The following EHBP1 variants were observed in gnomAD, a reference collection of about 807,000 sequenced individuals.
The protein encoded by EHBP1 is EH domain-binding protein 1.
In EHBP1, 55 loss-of-function variants were observed where a neutral mutation model predicts 144.0. The ratio of observed to expected loss-of-function variants is 0.38; its 90% confidence interval spans 0.31 to 0.48. The LOEUF (loss-of-function observed/expected upper bound fraction) is 0.48, where lower values mean the gene tolerates loss of function less well. Ranked by LOEUF, EHBP1 falls within the 20% of genes least tolerant of loss-of-function variation. The probability of loss-of-function intolerance (pLI) is 0.98; values close to 1 mark genes in which losing one functional copy is unlikely to be tolerated. For missense variants in EHBP1, 1,200 were observed against 1,364.2 expected (o/e 0.88, Z 1.90); for synonymous variants, 469 against 472.7 (o/e 0.99, Z 0.10).
At chr2:62,893,155 A>G (rs2052597136) in intron 10 of EHBP1, among the ~76,000 whole-genome samples, 1 of 152,226 alleles carries the variant, frequency 6.6e-6, no homozygotes, top group South Asian at 2.1e-4. Context: ...AAGAAGGCAA[A>G]GATAAATGAA....
At chr2:62,763,537 G>A (rs2040931051) in intron 3 of EHBP1, among the ~76,000 whole-genome samples, 3 of 152,168 alleles carry the variant, frequency 2.0e-5, no homozygotes, top group Non-Finnish European at 4.4e-5. Flanking sequence ...TTCATAGCAT[G>A]TCCATGGACA....
rs201879025 is a variant in EHBP1 at position 62,925,089 on chromosome 2, A to G, written c.1186-17629A>G. ...TCAATAAATGTCATACATCACATCCATAGAATAAAGGATGAAAACCATATG... is the reference window on the plus strand; with the variant it reads ...TCAATAAATGTCATACATCACATCCGTAGAATAAAGGATGAAAACCATATG... On this transcript the variant is annotated intron_variant, in intron 10 of 22. Coordinates refer to ENST00000431489, the MANE Select transcript of EHBP1 (RefSeq NM_001142616.3). Among the ~76,000 whole-genome samples the G allele has an allele frequency of 3.3e-5, 5 of 152,384 alleles. No homozygotes were observed. The East Asian group carries it at 7.7e-4, about 23-fold the overall frequency.
chr2:62,755,446 A>G (rs1357931109), intron 3 of EHBP1, among the ~76,000 whole-genome samples: 9 of 152,076 alleles, frequency 5.9e-5, no homozygotes, highest in Admixed American at 5.2e-4. Context: ...TCTTGTGAAT[A>G]AAGCTGCTAT....
At chr2:62,774,042 C>T (rs1335592632) in intron 5 of EHBP1, among the ~76,000 whole-genome samples, 1 of 151,848 alleles carries the variant, frequency 6.6e-6, no homozygotes, top group East Asian at 1.9e-4. Flanking sequence ...ATAAGCCAAT[C>T]TCATGAGATT....
At chr2:63,005,160 C>T (rs532107604) in intron 19 of EHBP1, among the ~76,000 whole-genome samples, 1 of 152,152 alleles carries the variant, frequency 6.6e-6, no homozygotes, top group East Asian at 1.9e-4. Context: ...CCAGAGTCAT[C>T]ATGTATTTTT....
chr2:62,675,652 T>A (rs964510632), intron 1 of EHBP1, among the ~76,000 whole-genome samples: 19 of 151,798 alleles, frequency 1.3e-4, no homozygotes, highest in Non-Finnish European at 2.4e-4. Context: ...AAGAAAAAAA[T>A]TTTCAATGCT....
intron 10 of EHBP1, among the ~76,000 whole-genome samples, chr2:62,929,925 C>T (rs1040228725): frequency 1.3e-5 from 2 of 151,992 alleles, no homozygotes; most frequent in African/African-American, 2.4e-5. Flanking sequence ...GAGCAATCCA[C>T]GAAGGAAATT....
intron 15 of EHBP1, among the ~76,000 whole-genome samples, chr2:62,984,375 T>C (rs908611360): frequency 1.3e-5 from 2 of 152,342 alleles, no homozygotes; most frequent in Admixed American, 6.5e-5. Context: ...TTACATTCAG[T>C]GCATATCTAA....
intron 13 of EHBP1, among the ~76,000 whole-genome samples, chr2:62,954,710 G>A (rs985632783): frequency 2.6e-5 from 4 of 152,178 alleles, no homozygotes; most frequent in East Asian, 1.9e-4. Context: ...TTCCTTGACA[G>A]TGATACTTAT....
At chr2:62,742,263 G>C (rs947766652) in intron 2 of EHBP1, among the ~76,000 whole-genome samples, 2 of 152,066 alleles carry the variant, frequency 1.3e-5, no homozygotes, top group Non-Finnish European at 2.9e-5. Flanking sequence ...AAGAGGATGT[G>C]TATAGGTTAT....
At chr2:63,028,753 C>T (rs1270608914) in intron 19 of EHBP1, among the ~76,000 whole-genome samples, 2 of 152,074 alleles carry the variant, frequency 1.3e-5, no homozygotes, top group African/African-American at 4.8e-5. Flanking sequence ...TCCATACTTT[C>T]AGTAGAATCT....
chr2:62,740,890 T>G (rs1249080921), intron 2 of EHBP1, among the ~76,000 whole-genome samples: 1 of 152,206 alleles, frequency 6.6e-6, no homozygotes, highest in Non-Finnish European at 1.5e-5. Flanking sequence ...CACTTTGAAA[T>G]GTAAGCTTTT....
chr2:62,747,621 T>C (rs368706948), intron 3 of EHBP1, among the ~76,000 whole-genome samples, 169 bp downstream of exon 3: 2 of 152,174 alleles, frequency 1.3e-5, no homozygotes, highest in East Asian at 3.9e-4. Flanking sequence ...CTGCTTGTTC[T>C]CAAAACGGGA....
At chr2:62,776,261 C>G (rs747027630) in intron 5 of EHBP1, among the ~76,000 whole-genome samples, 3 of 152,120 alleles carry the variant, frequency 2.0e-5, no homozygotes, top group Admixed American at 6.6e-5. Flanking sequence ...GGACCAGAAA[C>G]TTTAGAGTTG....
At chr2:62,779,548 A>G (rs569835321) in intron 5 of EHBP1, among the ~76,000 whole-genome samples, 7 of 152,214 alleles carry the variant, frequency 4.6e-5, no homozygotes, top group Non-Finnish European at 1.0e-4. Context: ...TCTACACAGC[A>G]CTAACCAGAA....
chr2:62,871,877 C>T (rs1011903429), intron 9 of EHBP1, among the ~76,000 whole-genome samples: 4 of 152,112 alleles, frequency 2.6e-5, no homozygotes, highest in Non-Finnish European at 5.9e-5. Context: ...GGGGATAATT[C>T]AACTCTTCTA....
intron 5 of EHBP1, among the ~76,000 whole-genome samples, chr2:62,780,151 T>C (rs768549382): frequency 1.2e-4 from 18 of 152,088 alleles, no homozygotes; most frequent in Admixed American, 1.1e-3. Flanking sequence ...TTCAATATTA[T>C]CTTGATTCTT....
At chr2:62,694,596 T>C (rs1338114522) in intron 1 of EHBP1, among the ~76,000 whole-genome samples, 1 of 151,646 alleles carries the variant, frequency 6.6e-6, no homozygotes, top group Non-Finnish European at 1.5e-5. Context: ...GTCACAAACA[T>C]ATCCTTGTAT....
At chr2:62,868,616 G>A (rs1183012133) in intron 9 of EHBP1, among the ~76,000 whole-genome samples, 8 of 151,818 alleles carry the variant, frequency 5.3e-5, no homozygotes, top group South Asian at 2.1e-4. Context: ...GGCAAAAGAC[G>A]TATCCAGAAT....
Sources: gnomAD v4.1 joint callset for allele counts (sites outside exome capture counted in the v4.1 genomes callset) on GRCh38, gnomAD v4.1.1 for gene constraint, MANE v1.5 for transcripts, NCBI Gene and HGNC (gene_info 2026-07-23, HGNC 2026-07-21) for gene names.